Variants in FGF13 observed in about 807,000 individuals in gnomAD.
FGF13 encodes fibroblast growth factor 13, also known as fibroblast growth factor homologous factor 2.
Under a neutral mutation model 19.5 loss-of-function variants are expected in FGF13, and 2 were observed. That is an observed-to-expected ratio of 0.10 (90% confidence interval 0.04 to 0.32). The LOEUF is 0.32. FGF13 is among the 10% of genes least tolerant of loss of function. FGF13 has a pLI of 1.00. For missense variants in FGF13, 113 were observed against 192.7 expected, an observed-to-expected ratio of 0.59 and a Z score of 2.45; for synonymous variants, 72 against 76.9, an observed-to-expected ratio of 0.94 and a Z score of 0.33.
chrX:138,798,232 T>C (rs745882995), intron 3 of FGF13, among the ~76,000 whole-genome samples: 57 of 111,866 alleles, frequency 5.1e-4, no homozygotes, highest in African/African-American at 1.9e-3. Flanking sequence ...TTGAGATATG[T>C]TCCATAAATA....
intron 1 of FGF13, among the ~76,000 whole-genome samples, chrX:138,891,733 C>T (rs1348830635): frequency 9.1e-6 from 1 of 110,466 alleles, no homozygotes; most frequent in Non-Finnish European, 1.9e-5. Context: ...AAGGCAGTTC[C>T]ACCCTTAATC....
At chrX:138,637,940 T>C (rs1043754341) in intron 3 of FGF13, among the ~76,000 whole-genome samples, 50 of 111,731 alleles carry the variant, frequency 4.5e-4, no homozygotes, top group Non-Finnish European at 1.7e-4. Flanking sequence ...CTGTGTTCCC[T>C]GTCTTAGTAA....
At chrX:139,134,824 T>C (rs1163391058) in intron 1 of FGF13, among the ~76,000 whole-genome samples, 1 of 111,537 alleles carries the variant, frequency 9.0e-6, no homozygotes, top group Non-Finnish European at 1.9e-5. Context: ...AATTTTTGTA[T>C]TGTTGTAGAG....
intron 1 of FGF13, among the ~76,000 whole-genome samples, chrX:139,086,457 C>T (rs2083403943): frequency 8.9e-6 from 1 of 112,188 alleles, no homozygotes; most frequent in African/African-American, 3.2e-5. Flanking sequence ...GATGGTTGCA[C>T]AACATTGTTA....
At chrX:139,129,180 C>CATAT (rs796675223) in intron 1 of FGF13, among the ~76,000 whole-genome samples, 3 of 104,730 alleles carry the variant, frequency 2.9e-5, no homozygotes, top group African/African-American at 3.5e-5. Flanking sequence ...CACACACACA[C>CATAT]ATGTGTGTGT....
intron 1 of FGF13, among the ~76,000 whole-genome samples, chrX:139,166,827 C>T (rs976580878): frequency 5.4e-5 from 6 of 111,542 alleles, no homozygotes; most frequent in African/African-American, 2.0e-4. Context: ...GACAGCCTCC[C>T]TAAAACCTTT....
At chrX:138,979,896 G>A (rs2091956337) in intron 1 of FGF13, among the ~76,000 whole-genome samples, 1 of 111,758 alleles carries the variant, frequency 8.9e-6, no homozygotes, top group Non-Finnish European at 1.9e-5. Context: ...AAGCCAGTCT[G>A]AGTTGGCAGG....
Position 139,124,284 on chromosome X carries a change from C to T in FGF13, c.-113+79132G>A, listed in dbSNP as rs747515168. Among the ~76,000 whole-genome samples the T allele has an allele frequency of 4.4e-5, 5 of 112,720 alleles. 1 individual carries two copies. In the South Asian group the frequency reaches 1.8e-3, roughly 42 times the overall value. Reference sequence around the variant, plus strand: ...ATAACCCCATGACATGAATCTCTCCCTCAACAACGGGATAATAGGAGGCAA... The same window carrying T: ...ATAACCCCATGACATGAATCTCTCCTTCAACAACGGGATAATAGGAGGCAA... On this transcript the variant is annotated intron_variant, in intron 1 of 2. Transcript: ENST00000421460.
chrX:139,142,305 A>G (rs1476757811), intron 1 of FGF13, among the ~76,000 whole-genome samples: 1 of 112,007 alleles, frequency 8.9e-6, no homozygotes, highest in African/African-American at 3.2e-5. Flanking sequence ...CACAGGTTCT[A>G]TAGGTAAAAA....
At position 138,963,690 on chromosome X, in the gene FGF13, G is replaced by A. The variant is rs141114892; in HGVS notation, c.-112-99040C>T. 1.9e-3 allele frequency among the ~76,000 whole-genome samples: 208 copies of A among 112,141 alleles called. 11 individuals carry two copies. In the East Asian group the frequency reaches 0.052, roughly 28 times the overall value. On this transcript the variant is annotated intron_variant, in intron 1 of 2. Transcript: ENST00000421460. ...ATTCCTGGGCTCAAGAAGTACTTCC[G>A]CCTCAGCCTACTGAGTAGCAAAATA...
chrX:139,097,286 A>G (rs1229375381), intron 1 of FGF13, among the ~76,000 whole-genome samples: 1 of 111,252 alleles, frequency 9.0e-6, no homozygotes, highest in Admixed American at 9.6e-5. Flanking sequence ...CATAAAATAC[A>G]CTAAGACTAA....
At chrX:138,886,586 C>T in intron 1 of FGF13, among the ~76,000 whole-genome samples, 1 of 111,793 alleles carries the variant, frequency 8.9e-6, no homozygotes, top group Non-Finnish European at 1.9e-5. Context: ...TGACCTTGGG[C>T]TTTCTCAGCT....
At chrX:138,937,319 T>G (rs2124268269) in intron 1 of FGF13, among the ~76,000 whole-genome samples, 1 of 111,689 alleles carries the variant, frequency 9.0e-6, no homozygotes, top group Non-Finnish European at 1.9e-5. Context: ...CAATACAACT[T>G]ATAATAACAC....
At chrX:138,937,619 A>G (rs781570765) in intron 1 of FGF13, among the ~76,000 whole-genome samples, 17 of 112,482 alleles carry the variant, frequency 1.5e-4, no homozygotes, top group South Asian at 7.4e-4. Flanking sequence ...TATCACATGG[A>G]ATCCTATATC....
At chrX:139,196,638 T>G (rs1193383259) in intron 1 of FGF13, among the ~76,000 whole-genome samples, 1 of 112,072 alleles carries the variant, frequency 8.9e-6, no homozygotes, top group African/African-American at 3.2e-5. Flanking sequence ...TCAGCTGTGC[T>G]GCCTAGGAAG....
At chrX:138,750,132 G>C (rs776225948) in intron 3 of FGF13, among the ~76,000 whole-genome samples, 2 of 111,679 alleles carry the variant, frequency 1.8e-5, no homozygotes, top group Non-Finnish European at 3.8e-5. Context: ...CAATGGGGAG[G>C]GGAAGAGGAG....
intron 3 of FGF13, among the ~76,000 whole-genome samples, chrX:138,750,431 A>C (rs906748588): frequency 1.8e-5 from 2 of 110,819 alleles, no homozygotes; most frequent in Non-Finnish European, 3.8e-5. Flanking sequence ...CATCTTTAAA[A>C]ATTTAGATTC....
chrX:138,919,182 C>T (rs2091632411), intron 1 of FGF13, among the ~76,000 whole-genome samples: 1 of 111,402 alleles, frequency 9.0e-6, no homozygotes, highest in Non-Finnish European at 1.9e-5. Flanking sequence ...ACTAACAGGT[C>T]ACAGACAGGA....
rs1371530161 is a variant in FGF13, at chrX:139,000,199, C to G, written c.-112-135549G>C. ...TGGAATGTATCTCAAAATAATAAGA[C>G]CTATTTATGACAAACCCACAGCCAA... On this transcript the variant is annotated intron_variant, in intron 1 of 2. Transcript: ENST00000421460. Among the ~76,000 whole-genome samples the G allele has an allele frequency of 7.2e-5, 8 of 111,416 alleles. No homozygotes were observed. The East Asian group carries it at 2.3e-3, about 32-fold the overall frequency.
Sources: gnomAD v4.1 joint callset for allele counts (sites outside exome capture counted in the v4.1 genomes callset) on GRCh38, gnomAD v4.1.1 for gene constraint, MANE v1.5 for transcripts, NCBI Gene and HGNC (gene_info 2026-07-23, HGNC 2026-07-21) for gene names.